The following STXBP5L variants were observed in gnomAD, a reference collection of about 807,000 sequenced individuals.
STXBP5L encodes the protein syntaxin binding protein 5L.
STXBP5L carries 65 observed loss-of-function variants against 144.5 expected under a neutral mutation model. That is an observed-to-expected ratio of 0.45 (90% CI 0.37 to 0.55). STXBP5L has a LOEUF of 0.55. Ranked by LOEUF, STXBP5L falls within the 20% of genes least tolerant of loss-of-function variation. The probability of loss-of-function intolerance (pLI) is 0.00; values close to 1 mark genes in which losing one functional copy is unlikely to be tolerated. For missense variants in STXBP5L, 1,298 were observed against 1,405.5 expected (o/e 0.92, Z 1.22); for synonymous variants, 505 against 469.6 (o/e 1.08, Z -0.97).
chr3:121,164,810 T>C (rs943323710), intron 9 of STXBP5L, among the ~76,000 whole-genome samples: 1 of 152,188 alleles, frequency 6.6e-6, no homozygotes, highest in Non-Finnish European at 1.5e-5. Flanking sequence ...TATTGCATTG[T>C]CTCACATGTG....
intron 20 of STXBP5L, among the ~76,000 whole-genome samples, chr3:121,372,677 T>C (rs1413251096): frequency 2.0e-5 from 3 of 152,086 alleles, no homozygotes; most frequent in Non-Finnish European, 4.4e-5. Flanking sequence ...CTTCCCTCCA[T>C]CTGCTCTCAA....
intron 23 of STXBP5L, 129 bp from the exon 24 acceptor site, chr3:121,413,029 A>G: frequency 1.2e-6 from 1 of 822,002 alleles, no homozygotes; most frequent in Non-Finnish European, 1.7e-6. Context: ...CTCTGTCTCA[A>G]AAAAATATAA....
At chr3:121,309,307 G>A (rs193254234) in intron 19 of STXBP5L, among the ~76,000 whole-genome samples, 1 of 151,970 alleles carries the variant, frequency 6.6e-6, no homozygotes, top group African/African-American at 2.4e-5. Flanking sequence ...AATGGGAAAA[G>A]ATCATATGAA....
chr3:121,104,200 T>C (rs574418818), intron 5 of STXBP5L, among the ~76,000 whole-genome samples: 51 of 152,262 alleles, frequency 3.3e-4, no homozygotes, highest in African/African-American at 1.1e-3. Flanking sequence ...TTTTAACTTA[T>C]ATGGTAGGTA....
At chr3:121,309,095 CA>C (rs909907926) in intron 19 of STXBP5L, among the ~76,000 whole-genome samples, 28 of 148,716 alleles carry the variant, frequency 1.9e-4, no homozygotes, top group Non-Finnish European at 3.6e-4. Context: ...ACTAGAGGAT[CA>C]AAAAAAAACA....
chr3:121,041,354 G>A (rs991295208), intron 3 of STXBP5L, among the ~76,000 whole-genome samples: 5 of 151,966 alleles, frequency 3.3e-5, no homozygotes, highest in African/African-American at 9.7e-5. Context: ...ATTATATGAA[G>A]TTATTGACTC....
chr3:121,410,572 C>T (rs1266910588), intron 23 of STXBP5L, among the ~76,000 whole-genome samples: 1 of 151,878 alleles, frequency 6.6e-6, no homozygotes, highest in African/African-American at 2.4e-5. Flanking sequence ...TCTCCTGAGC[C>T]CAGTCTTCTC....
intron 6 of STXBP5L, among the ~76,000 whole-genome samples, chr3:121,120,838 G>T (rs1297327066): frequency 6.6e-6 from 1 of 151,242 alleles, no homozygotes; most frequent in Non-Finnish European, 1.5e-5. Flanking sequence ...ACACTGTTAG[G>T]TCGTGGAGAA....
chr3:121,391,703 T>A (rs995756341), intron 22 of STXBP5L, among the ~76,000 whole-genome samples: 4 of 152,210 alleles, frequency 2.6e-5, no homozygotes, highest in African/African-American at 9.6e-5. Context: ...TGCCTTGGTA[T>A]CACCAGCAGA....
At chr3:121,353,301 C>A (rs983980848) in intron 20 of STXBP5L, among the ~76,000 whole-genome samples, 2 of 152,146 alleles carry the variant, frequency 1.3e-5, no homozygotes, top group Non-Finnish European at 1.5e-5. Flanking sequence ...GTCTGTGAAT[C>A]CGTCTGGTCC....
At chr3:121,094,673 C>T (rs904794345) in intron 5 of STXBP5L, among the ~76,000 whole-genome samples, 1 of 152,206 alleles carries the variant, frequency 6.6e-6, no homozygotes, top group African/African-American at 2.4e-5. Context: ...TGTCTCTGCA[C>T]GTGAGATGGT....
intron 3 of STXBP5L, among the ~76,000 whole-genome samples, chr3:121,006,457 A>C (rs1401382282): frequency 6.6e-6 from 1 of 152,038 alleles, no homozygotes; most frequent in Non-Finnish European, 1.5e-5. Flanking sequence ...CCTGCACGTG[A>C]GATGGGTTTC....
intron 2 of STXBP5L, among the ~76,000 whole-genome samples, chr3:120,935,528 C>T: frequency 6.6e-6 from 1 of 151,922 alleles, no homozygotes; most frequent in East Asian, 1.9e-4. Flanking sequence ...TGAAGAATTT[C>T]TTTTAGCATT....
At chr3:121,051,773 C>G (rs1396159834) in intron 5 of STXBP5L, among the ~76,000 whole-genome samples, 1 of 151,998 alleles carries the variant, frequency 6.6e-6, no homozygotes, top group African/African-American at 2.4e-5. Context: ...ACAAAAAAAC[C>G]CTTCAAAAAA....
rs558199246 is a variant in STXBP5L at position 121,143,217 on chromosome 3, T to C, written c.670-9260T>C. Among the ~76,000 whole-genome samples the C allele has an allele frequency of 4.6e-5, 7 of 151,292 alleles. No individual in the cohort carries two copies. In the South Asian group the frequency reaches 1.2e-3, roughly 27 times the overall value. The stretch of plus-strand genomic sequence containing the variant: ...ATTGAATTAGTAATGAAAAACCTTT[T>C]AACGAGGAAAAGCTCAGGATGGCTT... On this transcript the variant is annotated intron_variant, in intron 7 of 26. Coordinates refer to ENST00000471454, the MANE Select transcript of STXBP5L (RefSeq NM_001308330.2).
rs553218267 is a variant in STXBP5L, at chr3:121,091,164, A to C, written c.471-23761A>C. 5.0e-4 allele frequency among the ~76,000 whole-genome samples: 74 copies of C among 147,336 alleles called. 6 individuals carry two copies. Among genetic ancestry groups the C allele is most frequent in the African/African-American group, 1.2e-3 (46 of 39,038 alleles). ...TGGTGTATATGTGCCACATTTTCTTAATCCAGTCTATCATTGATGGACATT... is the reference window on the plus strand; with the variant it reads ...TGGTGTATATGTGCCACATTTTCTTCATCCAGTCTATCATTGATGGACATT... On this transcript the variant is annotated intron_variant, in intron 5 of 26. Transcript: ENST00000471454.
chr3:121,227,403 G>A (rs917208317), intron 11 of STXBP5L, among the ~76,000 whole-genome samples: 2 of 152,070 alleles, frequency 1.3e-5, no homozygotes, highest in Non-Finnish European at 2.9e-5. Context: ...AACATAGCAA[G>A]ATCTGTCTCT....
chr3:121,047,944 A>G (rs1947639185), intron 5 of STXBP5L, among the ~76,000 whole-genome samples: 1 of 152,088 alleles, frequency 6.6e-6, no homozygotes, highest in African/African-American at 2.4e-5. Context: ...TATAGGGTCA[A>G]CAGTTTGTAT....
At chr3:121,056,705 CACTT>C (rs967940263) in intron 5 of STXBP5L, among the ~76,000 whole-genome samples, 6 of 152,120 alleles carry the variant, frequency 3.9e-5, no homozygotes, top group Middle Eastern at 3.2e-3. Context: ...GTCCCCTGGA[CACTT>C]ACTTACTTCC....
Sources: allele counts gnomAD v4.1 joint callset (sites outside exome capture counted in the v4.1 genomes callset), GRCh38; gene constraint gnomAD v4.1.1; transcripts MANE v1.5; gene names NCBI Gene and HGNC (gene_info 2026-07-23, HGNC 2026-07-21).